Variants in HTR3B observed in about 807,000 individuals in gnomAD.
HTR3B encodes the protein 5-hydroxytryptamine receptor 3B.
HTR3B carries 44 observed loss-of-function variants against 42.8 expected under a neutral mutation model. That is an observed-to-expected ratio of 1.03 (90% CI 0.81 to 1.32). The LOEUF is 1.32. HTR3B is among the 40% of genes most tolerant of loss of function. The pLI is 0.00. For synonymous variants in HTR3B, 203 were observed against 209.0 expected (o/e 0.97, Z 0.25); for missense variants, 527 against 536.5 (o/e 0.98, Z 0.17).
chr11:113,933,562 C>T (rs1163249258), intron 6 of HTR3B, among the ~76,000 whole-genome samples: 1 of 151,954 alleles, frequency 6.6e-6, no homozygotes, highest in Non-Finnish European at 1.5e-5. Flanking sequence ...ACTTGAATAT[C>T]TTAAGGGATT....
intron 2 of HTR3B, among the ~76,000 whole-genome samples, chr11:113,926,418 G>C (rs1040843810): frequency 6.6e-6 from 1 of 150,824 alleles, no homozygotes; most frequent in Non-Finnish European, 1.5e-5. Context: ...ATAAATATAT[G>C]TTTAATCTTT....
At chr11:113,907,243 C>A (rs551271853) in intron 1 of HTR3B, among the ~76,000 whole-genome samples, 1 of 152,278 alleles carries the variant, frequency 6.6e-6, no homozygotes, top group East Asian at 1.9e-4. Context: ...GCAGTTTTGG[C>A]GAGGAATCTT....
At chr11:113,927,910 T>C (rs1949992130) in intron 2 of HTR3B, among the ~76,000 whole-genome samples, 1 of 152,188 alleles carries the variant, frequency 6.6e-6, no homozygotes, top group African/African-American at 2.4e-5. Context: ...CCAGGATACA[T>C]GTGCAGGATG....
Position 113,947,830 on chromosome 11 carries a change from G to A in HTR3B, c.*1693G>A, listed in dbSNP as rs1752451002. The stretch of plus-strand genomic sequence containing the variant: ...AGCCCATAACACTAGTGATTCCGGA[G>A]GTTTAGCAAGTCCAGATTCTGCAGA... On this transcript the variant is annotated 3_prime_UTR_variant, in exon 9 of 9. Transcript: ENST00000260191. Among the ~76,000 whole-genome samples the A allele has an allele frequency of 6.6e-6, 1 of 152,136 alleles. No individual in the cohort carries two copies. Among genetic ancestry groups the A allele is most frequent in the Non-Finnish European group, 1.5e-5 (1 of 68,040 alleles).
At chr11:113,928,172 T>C (rs1053986441) in intron 2 of HTR3B, among the ~76,000 whole-genome samples, 1 of 152,224 alleles carries the variant, frequency 6.6e-6, no homozygotes, top group East Asian at 1.9e-4. Flanking sequence ...CTGAGGATAA[T>C]GGCTTCCAGC....
chr11:113,939,434 G>A (rs1253947440), intron 6 of HTR3B, among the ~76,000 whole-genome samples: 1 of 152,124 alleles, frequency 6.6e-6, no homozygotes, highest in African/African-American at 2.4e-5. Flanking sequence ...CCAAGTGCAG[G>A]GCCCTTTCAA....
intron 1 of HTR3B, among the ~76,000 whole-genome samples, chr11:113,905,331 T>C (rs539308461): frequency 2.9e-4 from 44 of 152,244 alleles, no homozygotes; most frequent in Non-Finnish European, 5.9e-4. Flanking sequence ...CAAATTTGCT[T>C]TTATGTGTGG....
At chr11:113,935,605 C>T in intron 6 of HTR3B, among the ~76,000 whole-genome samples, 1 of 152,202 alleles carries the variant, frequency 6.6e-6, no homozygotes, top group East Asian at 1.9e-4. Flanking sequence ...AGAGCCTAGG[C>T]TCATTCTCTT....
At chr11:113,919,714 G>C (rs988641119) in intron 2 of HTR3B, among the ~76,000 whole-genome samples, 1 of 151,882 alleles carries the variant, frequency 6.6e-6, no homozygotes, top group Non-Finnish European at 1.5e-5. Context: ...CGTAATCCCA[G>C]CTACTTGGGA....
At chr11:113,918,184 A>G (rs917449606) in intron 2 of HTR3B, among the ~76,000 whole-genome samples, 2 of 152,070 alleles carry the variant, frequency 1.3e-5, no homozygotes, top group African/African-American at 2.4e-5. Context: ...TTGCAAATAT[A>G]TATATATTAC....
At chr11:113,908,368 C>T (rs1435626149) in intron 1 of HTR3B, among the ~76,000 whole-genome samples, 1 of 152,178 alleles carries the variant, frequency 6.6e-6, no homozygotes, top group Non-Finnish European at 1.5e-5. Context: ...ACCATCAAAA[C>T]CACTGACAGC....
chr11:113,901,937 T>C (rs2137476281), upstream of HTR3B, among the ~76,000 whole-genome samples: 1 of 152,318 alleles, frequency 6.6e-6, no homozygotes, highest in East Asian at 1.9e-4. Flanking sequence ...ATAGCTATAT[T>C]GCCTGTAGCT....
At position 113,911,474 on chromosome 11, in the gene HTR3B, C is replaced by T. The variant is rs1176732; in HGVS notation, c.213+2019C>T. 8.2e-3 allele frequency among the ~76,000 whole-genome samples: 1,245 copies of T among 151,118 alleles called. 15 individuals carry two copies. The highest frequency in any genetic ancestry group is 0.029 in the African/African-American group (1,198 of 41,164). ...CAAACTCCTGACCTCAAAAGATCTG[C>T]CCACCTCAGCCTCCCAAAGTGTTGG... On this transcript the variant is annotated intron_variant, in intron 2 of 8. Coordinates refer to ENST00000260191, the MANE Select transcript of HTR3B (RefSeq NM_006028.5).
chr11:113,926,588 G>C (rs1949978098), intron 2 of HTR3B, among the ~76,000 whole-genome samples: 1 of 149,608 alleles, frequency 6.7e-6, no homozygotes, highest in South Asian at 2.1e-4. Flanking sequence ...GAATGCAGTG[G>C]CACGATCTTG....
chr11:113,926,468 T>TTTCCTTTCCTTTCCTTTCC (rs1949973855), intron 2 of HTR3B, among the ~76,000 whole-genome samples: 42 of 80,334 alleles, frequency 5.2e-4, no homozygotes, highest in South Asian at 1.6e-3. Flanking sequence ...CTTTCCTTTC[T>TTTCCTTTCCTTTCCTTTCC]TTTCCTTTCC....
upstream of HTR3B, among the ~76,000 whole-genome samples, chr11:113,903,997 G>A (rs1949716053): frequency 2.0e-5 from 3 of 152,128 alleles, no homozygotes; most frequent in Non-Finnish European, 4.4e-5. Context: ...GGTTGGCTCT[G>A]TGAAAATTTA....
At chr11:113,926,319 A>G (rs974354493) in intron 2 of HTR3B, among the ~76,000 whole-genome samples, 1 of 152,192 alleles carries the variant, frequency 6.6e-6, no homozygotes, top group African/African-American at 2.4e-5. Flanking sequence ...TAATGCTGCT[A>G]TGAATATTTT....
chr11:113,944,748 G>T lies in HTR3B; in HGVS notation c.1083G>T (p.Val361=). Residue 361 remains valine, a synonymous_variant, in exon 8 of 9, where the codon GTG becomes GTT. Coordinates refer to ENST00000260191, the MANE Select transcript of HTR3B (RefSeq NM_006028.5). ...PRVEPRAQRA[V]VTESSLYGEH... ...TGGAACCCAGGGCCCAACGTGCTGT[G>T]GTAACAGGTGTGTGAGAAGCCTTGT... The T allele has an allele frequency of 6.2e-7, 1 of 1,613,638 alleles. No homozygotes were observed. Among genetic ancestry groups the T allele is most frequent in the Non-Finnish European group, 8.5e-7 (1 of 1,179,688 alleles).
chr11:113,937,335 C>G (rs1950099630), intron 6 of HTR3B, among the ~76,000 whole-genome samples: 1 of 152,180 alleles, frequency 6.6e-6, no homozygotes, highest in Non-Finnish European at 1.5e-5. Context: ...AAAAGTAGTG[C>G]TACTACCAGA....
Sources: allele counts gnomAD v4.1 joint callset (sites outside exome capture counted in the v4.1 genomes callset), GRCh38; gene constraint gnomAD v4.1.1; transcripts MANE v1.5; gene names NCBI Gene and HGNC (gene_info 2026-07-23, HGNC 2026-07-21).